Variants in NEDD4L observed in about 807,000 individuals in gnomAD.
The protein encoded by NEDD4L is NEDD4 like E3 ubiquitin protein ligase.
A neutral mutation model predicts 148.9 loss-of-function variants in NEDD4L; 54 were observed. That is an observed-to-expected ratio of 0.36 (90% confidence interval 0.29 to 0.45). The LOEUF is 0.45. NEDD4L is among the 20% of genes least tolerant of loss of function. The pLI, the probability that NEDD4L is intolerant of heterozygous loss-of-function variation, is 1.00. For missense variants in NEDD4L, 856 were observed against 1,233.8 expected (o/e 0.69, Z 4.59); for synonymous variants, 433 against 440.7 (o/e 0.98, Z 0.22).
Position 58,044,618 on chromosome 18 carries a change from A to G in NEDD4L, c.-43A>G, listed in dbSNP as rs1414090263. The G allele has an allele frequency of 4.5e-6, 7 of 1,566,900 alleles. No individual in the cohort carries two copies. The African/African-American group carries it at 7.0e-5, about 16-fold the overall frequency. ...GAACCGGCCGTCCGCGCCGCAGCACAGCCGCTGGGAGCGCCTCAGACCCCG... is the reference window on the plus strand; with the variant it reads ...GAACCGGCCGTCCGCGCCGCAGCACGGCCGCTGGGAGCGCCTCAGACCCCG... On this transcript the variant is annotated 5_prime_UTR_variant, in exon 1 of 31. Coordinates refer to ENST00000400345, the MANE Select transcript of NEDD4L (RefSeq NM_001144967.3).
At chr18:58,260,914 T>G (rs1333441799) in intron 5 of NEDD4L, among the ~76,000 whole-genome samples, 3 of 152,176 alleles carry the variant, frequency 2.0e-5, no homozygotes, top group Non-Finnish European at 4.4e-5. Flanking sequence ...CTATTCCTCA[T>G]CAGTAAATTT....
rs373340466 is a variant in NEDD4L, at chr18:58,398,967, A to G, written c.*2698A>G. 1.6e-4 allele frequency: 24 copies of G among 152,360 alleles called. No individual in the cohort carries two copies. The highest frequency in any genetic ancestry group is 5.0e-4 in the African/African-American group (21 of 41,588). The allele number at this position is 152,360 out of a possible 1,614,324, so 9.4% of individuals were successfully genotyped here. On this transcript the variant is annotated 3_prime_UTR_variant, in exon 31 of 31. Transcript: ENST00000400345. ...CTGCTCTGCAGGCCGGGCTCTCTTT[A>G]TAGCCAGAGAAATCACCTTAATGCA...
intron 1 of NEDD4L, among the ~76,000 whole-genome samples, chr18:58,054,183 A>C (rs978860452): frequency 6.6e-6 from 1 of 152,248 alleles, no homozygotes; most frequent in African/African-American, 2.4e-5. Context: ...GTAAGCACTC[A>C]GTACTATTTA....
chr18:58,215,985 T>A (rs1203088019), intron 2 of NEDD4L, among the ~76,000 whole-genome samples: 1 of 152,150 alleles, frequency 6.6e-6, no homozygotes, highest in East Asian at 1.9e-4. Flanking sequence ...ACAAGAATTT[T>A]TTTTTTTTTT....
At chr18:58,107,057 C>T (rs1397464685) in intron 1 of NEDD4L, among the ~76,000 whole-genome samples, 1 of 152,166 alleles carries the variant, frequency 6.6e-6, no homozygotes, top group Non-Finnish European at 1.5e-5. Flanking sequence ...AGACATCCCT[C>T]CTTGGCTTGC....
rs375144331 is a variant in NEDD4L, at chr18:58,396,945, G to GT, written c.*683dup. ...CTGGATATTACGTTTTTGTTTTGGG[G>GT]TTTTTTTGTACAAATTTAGCTAATA... On this transcript the variant is annotated 3_prime_UTR_variant, in exon 31 of 31. Transcript: ENST00000400345. The GT allele has an allele frequency of 1.3e-5, 2 of 152,472 alleles. No individual in the cohort carries two copies. The highest frequency in any genetic ancestry group is 2.9e-5 in the Non-Finnish European group (2 of 67,994). 9.4% of individuals were successfully genotyped at this position (152,472 alleles called of 1,614,324 possible).
At chr18:58,170,032 A>G (rs1309073551) in intron 2 of NEDD4L, among the ~76,000 whole-genome samples, 2 of 152,174 alleles carry the variant, frequency 1.3e-5, no homozygotes, top group East Asian at 1.9e-4. Context: ...ATTATAGCAC[A>G]TAGCACCTAA....
At chr18:58,161,187 C>T (rs1255035398) in intron 1 of NEDD4L, among the ~76,000 whole-genome samples, 3 of 152,042 alleles carry the variant, frequency 2.0e-5, no homozygotes, top group Non-Finnish European at 2.9e-5. Context: ...TGCATCAGCA[C>T]GTCCAGCTAG....
chr18:58,157,625 G>A (rs912678364), intron 1 of NEDD4L, among the ~76,000 whole-genome samples: 10 of 151,740 alleles, frequency 6.6e-5, no homozygotes, highest in Non-Finnish European at 1.3e-4. Context: ...CCTTGGTTTC[G>A]CATTTTGACT....
intron 1 of NEDD4L, among the ~76,000 whole-genome samples, chr18:58,075,592 G>A (rs1358180593): frequency 2.0e-5 from 3 of 152,172 alleles, no homozygotes; most frequent in Non-Finnish European, 2.9e-5. Context: ...TGGGATTACA[G>A]GTGTGAGCCA....
At chr18:58,156,962 T>C (rs1019982798) in intron 1 of NEDD4L, among the ~76,000 whole-genome samples, 10 of 152,016 alleles carry the variant, frequency 6.6e-5, no homozygotes, top group African/African-American at 2.2e-4. Context: ...GGCAGATCTC[T>C]TGAGCCCCAG....
intron 30 of NEDD4L, among the ~76,000 whole-genome samples, chr18:58,392,786 C>T (rs537111192): frequency 1.1e-4 from 16 of 152,312 alleles, no homozygotes; most frequent in African/African-American, 3.6e-4. Flanking sequence ...AAGGCACCAG[C>T]GTTGAGCCAA....
chr18:58,377,487 G>A (rs945514545), intron 24 of NEDD4L, among the ~76,000 whole-genome samples: 3 of 152,004 alleles, frequency 2.0e-5, no homozygotes, highest in African/African-American at 2.4e-5. Context: ...CCATTATTTT[G>A]CAATTTGTTT....
chr18:58,200,792 C>CTGCACTAATTCAT (rs772855430), intron 2 of NEDD4L, among the ~76,000 whole-genome samples: 5 of 152,164 alleles, frequency 3.3e-5, no homozygotes, highest in Non-Finnish European at 5.9e-5. Context: ...AGGAGTCATC[C>CTGCACTAATTCAT]TGCAATTTTG....
At chr18:58,104,166 G>A (rs867574334) in intron 1 of NEDD4L, among the ~76,000 whole-genome samples, 12 of 152,172 alleles carry the variant, frequency 7.9e-5, no homozygotes, top group South Asian at 4.2e-4. Context: ...GCTACAATGC[G>A]GATGAACCTG....
At chr18:58,197,903 G>A (rs1001732111) in intron 2 of NEDD4L, 4 of 152,214 alleles carry the variant, frequency 2.6e-5, no homozygotes, top group Non-Finnish European at 4.4e-5. Flanking sequence ...TTGAGGGAAG[G>A]CGCTGCCCCA....
intron 2 of NEDD4L, among the ~76,000 whole-genome samples, chr18:58,207,405 C>T (rs994807736): frequency 6.6e-6 from 1 of 151,764 alleles, no homozygotes; most frequent in Admixed American, 6.6e-5. Flanking sequence ...AGTTCTGGAG[C>T]TGTAGTTTCC....
intron 2 of NEDD4L, among the ~76,000 whole-genome samples, chr18:58,186,466 G>A (rs1364950243): frequency 2.0e-5 from 3 of 152,162 alleles, no homozygotes; most frequent in Non-Finnish European, 4.4e-5. Context: ...TAATGTGTGA[G>A]TCACACTCCC....
chr18:58,079,095 T>G (rs1250887900), intron 1 of NEDD4L, among the ~76,000 whole-genome samples: 1 of 151,980 alleles, frequency 6.6e-6, no homozygotes, highest in Non-Finnish European at 1.5e-5. Context: ...GTCTGCGGGG[T>G]GTGTGTGAGC....
Sources: allele counts gnomAD v4.1 joint callset (sites outside exome capture counted in the v4.1 genomes callset), GRCh38; gene constraint gnomAD v4.1.1; transcripts MANE v1.5; gene names NCBI Gene and HGNC (gene_info 2026-07-23, HGNC 2026-07-21).